The following IL1RAPL2 variants were observed in gnomAD, a reference collection of about 807,000 sequenced individuals.
The protein encoded by IL1RAPL2 is X-linked interleukin-1 receptor accessory protein-like 2.
IL1RAPL2 carries 3 observed loss-of-function variants against 44.1 expected under a neutral mutation model. The ratio of observed to expected loss-of-function variants is 0.07; its 90% confidence interval spans 0.03 to 0.18. The LOEUF is 0.18. Among genes scored for constraint, IL1RAPL2 ranks in the 10% least tolerant of loss-of-function variants. The pLI is 1.00. For synonymous variants in IL1RAPL2, 181 were observed against 178.8 expected (o/e 1.01, Z -0.10); for missense variants, 391 against 496.4 (o/e 0.79, Z 2.02).
chrX:105,555,850 G>A (rs1390580527), intron 6 of IL1RAPL2, among the ~76,000 whole-genome samples: 1 of 111,680 alleles, frequency 9.0e-6, no homozygotes, highest in Non-Finnish European at 1.9e-5. Flanking sequence ...AGATTATTGG[G>A]AGTTTCAGAC....
intron 5 of IL1RAPL2, among the ~76,000 whole-genome samples, chrX:105,350,756 A>G (rs760876797): frequency 1.3e-4 from 15 of 112,187 alleles, no homozygotes; most frequent in Non-Finnish European, 2.6e-4. Context: ...AATGGCAACA[A>G]AAGCCAAAAT....
intron 2 of IL1RAPL2, among the ~76,000 whole-genome samples, chrX:104,713,912 G>A (rs1282026933): frequency 2.7e-5 from 3 of 111,138 alleles, no homozygotes; most frequent in Non-Finnish European, 3.8e-5. Context: ...GAGAGAAGCC[G>A]AGAAATAAGT....
At chrX:105,595,599 G>A (rs2037202764) in intron 6 of IL1RAPL2, among the ~76,000 whole-genome samples, 1 of 110,186 alleles carries the variant, frequency 9.1e-6, no homozygotes, top group Non-Finnish European at 1.9e-5. Context: ...GTTTTTTGTT[G>A]TTGTTGTTTG....
At chrX:105,320,660 G>A (rs1285927654) in intron 5 of IL1RAPL2, among the ~76,000 whole-genome samples, 2 of 112,288 alleles carry the variant, frequency 1.8e-5, no homozygotes, top group Admixed American at 1.9e-4. Flanking sequence ...GTATGTGTAT[G>A]CATATGTGTG....
rs559139199 is a variant in IL1RAPL2 at position 105,063,338 on chromosome X, T to C, written c.83-132137T>C. On this transcript the variant is annotated intron_variant, in intron 2 of 10. Coordinates refer to ENST00000372582, the MANE Select transcript of IL1RAPL2 (RefSeq NM_017416.2). Reference sequence around the variant, plus strand: ...GTGTTATTGTGAATTTCTCTGAGTTTCCTCAAAACAGCTATTTTGAATTCT... The same window carrying C: ...GTGTTATTGTGAATTTCTCTGAGTTCCCTCAAAACAGCTATTTTGAATTCT... Among the ~76,000 whole-genome samples the C allele has an allele frequency of 3.8e-3, 432 of 112,806 alleles. 2 individuals are homozygous for C. The South Asian group carries it at 0.047, about 12-fold the overall frequency.
intron 2 of IL1RAPL2, among the ~76,000 whole-genome samples, chrX:104,977,446 C>G (rs1373802792): frequency 8.9e-6 from 1 of 111,971 alleles, no homozygotes; most frequent in Non-Finnish European, 1.9e-5. Context: ...AGCTCTGCAG[C>G]TTTTGGTTGC....
chrX:105,393,181 A>C (rs1326835271), intron 5 of IL1RAPL2, among the ~76,000 whole-genome samples: 2 of 110,626 alleles, frequency 1.8e-5, no homozygotes, highest in Non-Finnish European at 3.8e-5. Flanking sequence ...GCAGGGAGCT[A>C]GGGAATGGGT....
At chrX:105,054,262 T>C (rs2031965512) in intron 2 of IL1RAPL2, among the ~76,000 whole-genome samples, 1 of 110,955 alleles carries the variant, frequency 9.0e-6, no homozygotes, top group African/African-American at 3.3e-5. Flanking sequence ...AAAACCCACA[T>C]AGATATGGGG....
At chrX:105,317,887 C>T (rs1353379924) in intron 5 of IL1RAPL2, among the ~76,000 whole-genome samples, 1 of 111,262 alleles carries the variant, frequency 9.0e-6, no homozygotes, top group Admixed American at 9.6e-5. Flanking sequence ...AAATAATTTG[C>T]CTATATTCAC....
chrX:105,762,831 G>A (rs1471704234), intron 10 of IL1RAPL2, among the ~76,000 whole-genome samples: 1 of 111,099 alleles, frequency 9.0e-6, no homozygotes, highest in Non-Finnish European at 1.9e-5. Context: ...AACAAGTCAA[G>A]GCAAGATTTA....
intron 2 of IL1RAPL2, among the ~76,000 whole-genome samples, chrX:105,168,414 GGTGTGTGTGTGTGT>G (rs57882187): frequency 3.4e-5 from 3 of 89,353 alleles, no homozygotes; most frequent in Middle Eastern, 5.4e-3. Context: ...AACCATAGGA[GGTGTGTGTGTGTGT>G]GTGTGTGTGT....
chrX:105,444,174 A>C (rs2035939256), intron 5 of IL1RAPL2, among the ~76,000 whole-genome samples: 1 of 111,710 alleles, frequency 9.0e-6, no homozygotes, highest in South Asian at 3.7e-4. Context: ...TCTTTGGCCA[A>C]CTTTTAATCA....
intron 2 of IL1RAPL2, among the ~76,000 whole-genome samples, chrX:104,971,338 ACT>A (rs2030231889): frequency 9.0e-6 from 1 of 111,168 alleles, no homozygotes; most frequent in Admixed American, 9.5e-5. Flanking sequence ...ACAGAGCGAG[ACT>A]CTGTCTCAAA....
At chrX:105,456,294 T>C (rs1015219431) in intron 5 of IL1RAPL2, among the ~76,000 whole-genome samples, 2 of 111,818 alleles carry the variant, frequency 1.8e-5, no homozygotes, top group African/African-American at 6.5e-5. Flanking sequence ...CCTGTCTTCC[T>C]GTTTGGTGCT....
At chrX:105,072,715 G>A (rs999840976) in intron 2 of IL1RAPL2, among the ~76,000 whole-genome samples, 3 of 110,413 alleles carry the variant, frequency 2.7e-5, no homozygotes, top group African/African-American at 6.6e-5. Context: ...AGGTATACAC[G>A]TGGCATGGTG....
intron 6 of IL1RAPL2, among the ~76,000 whole-genome samples, chrX:105,687,431 C>A (rs1001709930): frequency 9.0e-6 from 1 of 111,402 alleles, no homozygotes; most frequent in African/African-American, 3.3e-5. Context: ...AAACTACCAT[C>A]AGAGAATAAT....
intron 2 of IL1RAPL2, among the ~76,000 whole-genome samples, chrX:104,784,875 A>G (rs1408020702): frequency 9.1e-6 from 1 of 110,463 alleles, no homozygotes; most frequent in Non-Finnish European, 1.9e-5. Flanking sequence ...CAGGAGAAGA[A>G]GTTGTAAGAA....
chrX:105,019,877 A>G (rs1454987802), intron 2 of IL1RAPL2, among the ~76,000 whole-genome samples: 1 of 111,618 alleles, frequency 9.0e-6, no homozygotes, highest in Non-Finnish European at 1.9e-5. Context: ...GAATCATAAG[A>G]GACCCTGGAG....
chrX:105,553,166 C>T (rs757308723), intron 6 of IL1RAPL2, among the ~76,000 whole-genome samples: 24 of 111,714 alleles, frequency 2.1e-4, no homozygotes, highest in Non-Finnish European at 4.5e-4. Flanking sequence ...GGGAATAAAC[C>T]ATAGTGGGGT....
Sources: gnomAD v4.1 joint callset for allele counts (sites outside exome capture counted in the v4.1 genomes callset) on GRCh38, gnomAD v4.1.1 for gene constraint, MANE v1.5 for transcripts, NCBI Gene and HGNC (gene_info 2026-07-23, HGNC 2026-07-21) for gene names.